The following ARHGAP15 variants were observed in gnomAD, a reference collection of about 807,000 sequenced individuals.
ARHGAP15 encodes rho GTPase-activating protein 15.
In ARHGAP15, 51 loss-of-function variants were observed where a neutral mutation model predicts 63.7. The ratio of observed to expected loss-of-function variants is 0.80; its 90% CI spans 0.64 to 1.01. The LOEUF is 1.01. Among genes scored for constraint, ARHGAP15 ranks in the 50% least tolerant of loss-of-function variants. The probability of loss-of-function intolerance (pLI) is 0.00; values close to 1 mark genes in which losing one functional copy is unlikely to be tolerated. For synonymous variants in ARHGAP15, 191 were observed against 193.8 expected (o/e 0.99, Z 0.12); for missense variants, 560 against 564.6 (o/e 0.99, Z 0.08).
intron 1 of ARHGAP15, among the ~76,000 whole-genome samples, chr2:143,154,735 A>C (rs944830085): frequency 1.3e-5 from 2 of 151,912 alleles, no homozygotes; most frequent in Non-Finnish European, 2.9e-5. Flanking sequence ...GTGCTGCCAC[A>C]GTTTAGTTCT....
intron 12 of ARHGAP15, among the ~76,000 whole-genome samples, chr2:143,667,766 G>A (rs1039231588): frequency 1.3e-5 from 2 of 151,884 alleles, no homozygotes; most frequent in African/African-American, 2.4e-5. Flanking sequence ...AGCCAAGGTG[G>A]ATTGCTTGAG....
At chr2:143,361,058 G>A (rs906059712) in intron 6 of ARHGAP15, among the ~76,000 whole-genome samples, 1 of 152,014 alleles carries the variant, frequency 6.6e-6, no homozygotes, top group African/African-American at 2.4e-5. Context: ...CACGTTCCAC[G>A]CATGAGTTCC....
intron 10 of ARHGAP15, among the ~76,000 whole-genome samples, chr2:143,535,943 AATGT>A (rs1304308418): frequency 1.3e-5 from 2 of 152,222 alleles, no homozygotes; most frequent in African/African-American, 2.4e-5. Flanking sequence ...ATTTGTGGAT[AATGT>A]ATGTTTTTTT....
intron 12 of ARHGAP15, among the ~76,000 whole-genome samples, chr2:143,637,917 C>T (rs1680404967): frequency 6.6e-6 from 1 of 152,166 alleles, no homozygotes; most frequent in East Asian, 1.9e-4. Flanking sequence ...CCATCACTGG[C>T]CATCAGAGAA....
intron 8 of ARHGAP15, among the ~76,000 whole-genome samples, chr2:143,438,106 C>G (rs543523100): frequency 1.3e-5 from 2 of 152,262 alleles, no homozygotes; most frequent in African/African-American, 4.8e-5. Context: ...GGGGAGTCTT[C>G]TACCTGGCTG....
chr2:143,367,542 T>C (rs1558924003), intron 6 of ARHGAP15, among the ~76,000 whole-genome samples: 1 of 152,088 alleles, frequency 6.6e-6, no homozygotes, highest in African/African-American at 2.4e-5. Context: ...AGTATATTTA[T>C]AACTAAATGG....
intron 8 of ARHGAP15, among the ~76,000 whole-genome samples, chr2:143,473,594 T>C (rs1691678282): frequency 6.6e-6 from 1 of 152,234 alleles, no homozygotes; most frequent in African/African-American, 2.4e-5. Context: ...ACAGTGTCCC[T>C]GTTGGAATAA....
intron 12 of ARHGAP15, among the ~76,000 whole-genome samples, chr2:143,701,994 C>A (rs1684110605): frequency 6.6e-6 from 1 of 152,160 alleles, no homozygotes; most frequent in Non-Finnish European, 1.5e-5. Context: ...AGACTTGGTC[C>A]CATGGCCACT....
At chr2:143,532,546 A>G (rs1006466722) in intron 10 of ARHGAP15, among the ~76,000 whole-genome samples, 1 of 152,158 alleles carries the variant, frequency 6.6e-6, no homozygotes, top group African/African-American at 2.4e-5. Context: ...ATGATACATA[A>G]AGGGGAAAGT....
rs534443496 is a variant in ARHGAP15, at chr2:143,357,897, T to C, written c.475-77704T>C. Among the ~76,000 whole-genome samples the C allele has an allele frequency of 3.3e-5, 5 of 152,326 alleles. No individual in the cohort carries two copies. The South Asian group carries it at 8.3e-4, about 25-fold the overall frequency. On this transcript the variant is annotated intron_variant, in intron 6 of 13. Coordinates refer to ENST00000295095, the MANE Select transcript of ARHGAP15 (RefSeq NM_018460.4). Reference sequence around the variant, plus strand: ...ACTGCTAAATAATGCATAGTTTTATTTTTCTATCATTTGCATAAACCTTAA... The same window carrying C: ...ACTGCTAAATAATGCATAGTTTTATCTTTCTATCATTTGCATAAACCTTAA...
intron 12 of ARHGAP15, among the ~76,000 whole-genome samples, chr2:143,664,119 GCACCA>G (rs1352592169): frequency 2.4e-4 from 36 of 152,024 alleles, no homozygotes; most frequent in African/African-American, 6.8e-4. Flanking sequence ...ATTTTTTTCA[GCACCA>G]CACCACACCA....
intron 13 of ARHGAP15, among the ~76,000 whole-genome samples, chr2:143,762,474 C>A (rs566896020): frequency 6.6e-6 from 1 of 152,090 alleles, no homozygotes; most frequent in Non-Finnish European, 1.5e-5. Context: ...TGGAACTAGC[C>A]GGAATGACCA....
chr2:143,765,872 G>T (rs2105560714), intron 13 of ARHGAP15, among the ~76,000 whole-genome samples: 1 of 152,260 alleles, frequency 6.6e-6, no homozygotes, highest in Non-Finnish European at 1.5e-5. Context: ...CTTCTCATTT[G>T]TTGAACAAGC....
chr2:143,542,890 A>T (rs577431407), intron 10 of ARHGAP15, among the ~76,000 whole-genome samples: 2 of 146,410 alleles, frequency 1.4e-5, no homozygotes, highest in Non-Finnish European at 3.0e-5. Flanking sequence ...GATATAATGT[A>T]TATCATATAT....
chr2:143,566,803 C>T (rs1696242867), intron 11 of ARHGAP15, among the ~76,000 whole-genome samples: 1 of 152,098 alleles, frequency 6.6e-6, no homozygotes, highest in South Asian at 2.1e-4. Flanking sequence ...CTGAGACATG[C>T]CTTCACTGTA....
At chr2:143,526,989 A>G (rs909611691) in intron 10 of ARHGAP15, among the ~76,000 whole-genome samples, 7 of 152,162 alleles carry the variant, frequency 4.6e-5, no homozygotes, top group African/African-American at 1.7e-4. Context: ...GTATTTCCCT[A>G]GGGTTTAAAA....
chr2:143,753,210 T>C (rs1328355952), intron 13 of ARHGAP15, among the ~76,000 whole-genome samples: 4 of 152,222 alleles, frequency 2.6e-5, no homozygotes, highest in Non-Finnish European at 4.4e-5. Context: ...AGGAGGCTTA[T>C]TGCAATTGAG....
chr2:143,365,012 AAAATAAAT>A (rs34729404), intron 6 of ARHGAP15, among the ~76,000 whole-genome samples: 4 of 151,470 alleles, frequency 2.6e-5, no homozygotes, highest in Non-Finnish European at 2.9e-5. Flanking sequence ...TGTGGGAAAT[AAAATAAAT>A]AAATAAATAA....
At chr2:143,699,873 T>C (rs1424016598) in intron 12 of ARHGAP15, among the ~76,000 whole-genome samples, 1 of 152,186 alleles carries the variant, frequency 6.6e-6, no homozygotes, top group African/African-American at 2.4e-5. Context: ...ATCTTGTTTA[T>C]TCAACAAAAC....
Sources: gnomAD v4.1 joint callset for allele counts (sites outside exome capture counted in the v4.1 genomes callset) on GRCh38, gnomAD v4.1.1 for gene constraint, MANE v1.5 for transcripts, NCBI Gene and HGNC (gene_info 2026-07-23, HGNC 2026-07-21) for gene names.